The following MSI2 variants were observed in gnomAD, a reference collection of about 807,000 sequenced individuals.
The protein encoded by MSI2 is RNA-binding protein Musashi homolog 2.
A neutral mutation model predicts 45.6 loss-of-function variants in MSI2; 17 were observed. That is an observed-to-expected ratio of 0.37 (90% CI 0.26 to 0.56). The LOEUF (loss-of-function observed/expected upper bound fraction) is 0.56. Ranked by LOEUF, MSI2 falls within the 20% of genes least tolerant of loss-of-function variation. MSI2 has a pLI of 0.77. For missense variants in MSI2, 293 were observed against 444.2 expected (o/e 0.66, Z 3.06); for synonymous variants, 156 against 158.2 (o/e 0.99, Z 0.11).
At chr17:57,300,408 C>T (rs772168667) in intron 5 of MSI2, among the ~76,000 whole-genome samples, 1 of 152,130 alleles carries the variant, frequency 6.6e-6, no homozygotes. Context: ...GTAAAGGTTT[C>T]CGTAGGGCTG....
intron 9 of MSI2, chr17:57,618,236 ACCT>A (rs1344978696): frequency 6.6e-6 from 1 of 151,588 alleles, no homozygotes; most frequent in Non-Finnish European, 1.5e-5. Flanking sequence ...CAATATGGTG[ACCT>A]CCTAGGAGTG....
At chr17:57,431,564 A>T (rs2084594853) in intron 6 of MSI2, among the ~76,000 whole-genome samples, 1 of 152,186 alleles carries the variant, frequency 6.6e-6, no homozygotes, top group South Asian at 2.1e-4. Flanking sequence ...GGCCAGAGGC[A>T]CCTGTGGTCT....
intron 7 of MSI2, among the ~76,000 whole-genome samples, chr17:57,549,331 T>TTG (rs57742615): frequency 6.7e-6 from 1 of 148,838 alleles, no homozygotes; most frequent in Non-Finnish European, 1.5e-5. Context: ...TTTTTTTTTT[T>TTG]GCAACAAATG....
intron 6 of MSI2, among the ~76,000 whole-genome samples, chr17:57,483,499 GT>G (rs1567850814): frequency 6.6e-6 from 1 of 152,202 alleles, no homozygotes; most frequent in African/African-American, 2.4e-5. Context: ...TGATGTGGCT[GT>G]TTTGCGGGGC....
intron 6 of MSI2, among the ~76,000 whole-genome samples, chr17:57,408,129 G>T (rs34864879): frequency 0.097 from 14,781 of 152,290 alleles, 901 homozygotes; most frequent in Non-Finnish European, 0.13. Context: ...GCTGAAGCCA[G>T]TAAGGTTGTC....
Position 57,277,370 on chromosome 17 carries a change from T to G in MSI2, c.312+15178T>G, listed in dbSNP as rs190402749. Among the ~76,000 whole-genome samples the G allele has an allele frequency of 7.9e-4, 120 of 152,336 alleles. 3 individuals carry two copies. Among genetic ancestry groups the G allele is most frequent in the African/African-American group, 2.8e-3 (116 of 41,570 alleles). On this transcript the variant is annotated intron_variant, in intron 5 of 13. Coordinates refer to ENST00000284073, the MANE Select transcript of MSI2 (RefSeq NM_138962.4). The stretch of plus-strand genomic sequence containing the variant: ...ACCGCACCCGGGCTGGTTTTCTTTT[T>G]GACAGGGTGGTTTGGGTCGTGAGGG...
In MSI2 at chr17:57,610,967, T is replaced by C. The variant is rs991058321; in HGVS notation, c.538-5003T>C. Among the ~76,000 whole-genome samples the C allele has an allele frequency of 3.5e-4, 33 of 94,920 alleles. 11 individuals are homozygous for C. Among genetic ancestry groups the C allele is most frequent in the African/African-American group, 1.1e-3 (32 of 30,388 alleles). 62.3% of individuals were successfully genotyped at this position (94,920 alleles called of 152,430 possible). A position where few individuals can be genotyped will look rare whatever the true frequency, so the allele number is the denominator to read the frequency against. On this transcript the variant is annotated intron_variant, in intron 8 of 13. Transcript: ENST00000284073. ...CTGGTATTGGGAGTGTTTTGTGGCA[T>C]TGCCAGCTGTGCACCTTGAAAACAG...
intron 7 of MSI2, among the ~76,000 whole-genome samples, chr17:57,570,755 T>C (rs1265450919): frequency 6.6e-6 from 1 of 152,216 alleles, no homozygotes; most frequent in Non-Finnish European, 1.5e-5. Context: ...CTCATATGGG[T>C]GTGACCTGAG....
At chr17:57,668,453 A>G (rs1912535520) in intron 11 of MSI2, among the ~76,000 whole-genome samples, 1 of 152,216 alleles carries the variant, frequency 6.6e-6, no homozygotes, top group African/African-American at 2.4e-5. Context: ...AGACAGGCCA[A>G]CATTAACCAG....
chr17:57,613,491 TA>T (rs10711103), intron 8 of MSI2, among the ~76,000 whole-genome samples: 91,395 of 151,148 alleles, frequency 0.6, 27,776 homozygotes, highest in Non-Finnish European at 0.63. Context: ...TTCCTTTTAT[TA>T]AAAAAAAAAA....
chr17:57,458,069 A>T (rs942110726), intron 6 of MSI2, among the ~76,000 whole-genome samples: 10 of 152,048 alleles, frequency 6.6e-5, no homozygotes, highest in Non-Finnish European at 1.2e-4. Context: ...ACATATTTTA[A>T]TAAACTATAT....
intron 7 of MSI2, among the ~76,000 whole-genome samples, chr17:57,530,508 A>T (rs2086799697): frequency 6.6e-6 from 1 of 152,154 alleles, no homozygotes; most frequent in Admixed American, 6.5e-5. Context: ...GCAGAGTCAA[A>T]GGAGGTGATG....
intron 7 of MSI2, among the ~76,000 whole-genome samples, chr17:57,542,902 G>A (rs1267337571): frequency 6.6e-6 from 1 of 152,130 alleles, no homozygotes; most frequent in Non-Finnish European, 1.5e-5. Flanking sequence ...ATTTTCCTTT[G>A]TGGCACTTCT....
chr17:57,672,798 A>G (rs886548769), intron 11 of MSI2, among the ~76,000 whole-genome samples: 3 of 152,206 alleles, frequency 2.0e-5, no homozygotes, highest in Non-Finnish European at 4.4e-5. Context: ...CAGAAGAAAA[A>G]AAGTGTGTTA....
intron 5 of MSI2, among the ~76,000 whole-genome samples, chr17:57,324,613 A>C (rs933323862): frequency 2.0e-5 from 3 of 152,072 alleles, no homozygotes; most frequent in Non-Finnish European, 2.9e-5. Context: ...GTTTTGTTTT[A>C]GTTTGGTTTG....
intron 6 of MSI2, among the ~76,000 whole-genome samples, chr17:57,424,468 G>A (rs558190115): frequency 6.6e-5 from 10 of 152,310 alleles, no homozygotes; most frequent in South Asian, 4.1e-4. Context: ...TCTGACTTGC[G>A]GTTTCCCTCT....
At chr17:57,295,853 G>A (rs148444507) in intron 5 of MSI2, among the ~76,000 whole-genome samples, 33 of 152,244 alleles carry the variant, frequency 2.2e-4, no homozygotes, top group African/African-American at 7.2e-4. Flanking sequence ...TTCTGCTCCC[G>A]TCACAAATCT....
intron 7 of MSI2, among the ~76,000 whole-genome samples, chr17:57,586,853 A>C (rs1227112061): frequency 7.8e-5 from 4 of 51,020 alleles, no homozygotes; most frequent in Non-Finnish European, 2.2e-4. Flanking sequence ...TCTCCTTAAA[A>C]AAAAAAAAAA....
At chr17:57,360,235 G>A (rs1280495242) in intron 5 of MSI2, among the ~76,000 whole-genome samples, 1 of 152,242 alleles carries the variant, frequency 6.6e-6, no homozygotes, top group Non-Finnish European at 1.5e-5. Context: ...GCTGCCACAT[G>A]CTCGTGCTTG....
Sources: gnomAD v4.1 joint callset for allele counts (sites outside exome capture counted in the v4.1 genomes callset) on GRCh38, gnomAD v4.1.1 for gene constraint, MANE v1.5 for transcripts, NCBI Gene and HGNC (gene_info 2026-07-23, HGNC 2026-07-21) for gene names.